B3GALT5: variants seen among roughly 807,000 people sequenced by gnomAD.
The protein encoded by B3GALT5 is beta-1,3-galactosyltransferase 5, also known as UDP-Gal:betaGlcNAc beta 1,3-galactosyltransferase, polypeptide 5.
For synonymous variants in B3GALT5, 156 were observed against 158.6 expected, an observed-to-expected ratio of 0.98 and a Z score of 0.12; for missense variants, 328 against 396.6, an observed-to-expected ratio of 0.83 and a Z score of 1.47.
chr21:39,656,997 C>A (rs547777917), intron 2 of B3GALT5, among the ~76,000 whole-genome samples: 1 of 152,146 alleles, frequency 6.6e-6, no homozygotes, highest in Non-Finnish European at 1.5e-5. Flanking sequence ...AGGCAGAGGG[C>A]GGGAGCCAGC....
intron 1 of B3GALT5, among the ~76,000 whole-genome samples, chr21:39,613,830 C>T (rs970709701): frequency 6.6e-6 from 1 of 152,232 alleles, no homozygotes; most frequent in African/African-American, 2.4e-5. Flanking sequence ...GCAACTGAAT[C>T]TGCAGTAATC....
chr21:39,650,302 G>A (rs1049922869), intron 2 of B3GALT5, among the ~76,000 whole-genome samples: 3 of 152,196 alleles, frequency 2.0e-5, no homozygotes, highest in African/African-American at 2.4e-5. Flanking sequence ...TTATTTGTAG[G>A]TGACAGCTGC....
Position 39,659,747 on chromosome 21 carries a change from TC to T in B3GALT5, c.-160-4del, listed in dbSNP as rs1267750824. 11 of 983,902 alleles carry T rather than the reference TC, an allele frequency of 1.1e-5. No individual in the cohort carries two copies. The highest frequency in any genetic ancestry group is 1.3e-5 in the Non-Finnish European group (11 of 828,940). The allele number at this position is 983,902 out of a possible 1,614,324, so 60.9% of individuals were successfully genotyped here. On this transcript the variant is annotated splice_region_variant and splice_polypyrimidine_tract_variant and intron_variant, in intron 2 of 3. Transcript: ENST00000684187. Reference sequence around the variant, plus strand: ...TTGAATGACACTCTTTTTTTTTTTTTCCTAGTGATTCCTGTCAGAATCACCA... The same window carrying T: ...TTGAATGACACTCTTTTTTTTTTTTTCTAGTGATTCCTGTCAGAATCACCA...
In B3GALT5 at chr21:39,669,841, T is replaced by C. The variant is rs2146234357; in HGVS notation, c.*8349T>C. On this transcript the variant is annotated 3_prime_UTR_variant, in exon 4 of 4. Coordinates refer to ENST00000684187, the MANE Select transcript of B3GALT5 (RefSeq NM_001356336.2). The stretch of plus-strand genomic sequence containing the variant: ...CTTGGCACAGTGGTGAGTCCTCCGA[T>C]GTATCTGCTTTCATAGGAAGCTTGG... 6.6e-6 allele frequency: 1 copy of C among 152,294 alleles called. No homozygotes were observed. The highest frequency in any genetic ancestry group is 2.4e-5 in the African/African-American group (1 of 41,554). 9.4% of individuals were successfully genotyped at this position (152,294 alleles called of 1,614,324 possible).
chr21:39,629,102 C>T (rs958975643), intron 1 of B3GALT5, among the ~76,000 whole-genome samples: 1 of 152,112 alleles, frequency 6.6e-6, no homozygotes, highest in Non-Finnish European at 1.5e-5. Context: ...CAACCTCTGC[C>T]TCCTGGGTTC....
Position 39,666,009 on chromosome 21 carries a change from T to C in B3GALT5, c.*4517T>C, listed in dbSNP as rs2079574559. The C allele has an allele frequency of 6.6e-6, 1 of 152,166 alleles. No individual in the cohort carries two copies. The highest frequency in any genetic ancestry group is 6.5e-5 in the Admixed American group (1 of 15,284). The allele number at this position is 152,166 out of a possible 1,614,324, so 9.4% of individuals were successfully genotyped here. ...TTGAGTGGAACTGAATGTATTGGTA[T>C]GGTAGGTGGGTTTTAGAAGGGAATG... On this transcript the variant is annotated 3_prime_UTR_variant, in exon 4 of 4. Coordinates refer to ENST00000684187, the MANE Select transcript of B3GALT5 (RefSeq NM_001356336.2).
At chr21:39,626,991 A>G (rs2079167617) in intron 1 of B3GALT5, among the ~76,000 whole-genome samples, 2 of 151,870 alleles carry the variant, frequency 1.3e-5, no homozygotes, top group African/African-American at 4.8e-5. Flanking sequence ...ATTCCCTCCC[A>G]TCTCTTCCCA....
At position 39,668,373 on chromosome 21, in the gene B3GALT5, G is replaced by C. The variant is rs1002030306; in HGVS notation, c.*6881G>C. The stretch of plus-strand genomic sequence containing the variant: ...TCTAAGCTAGCCTCTGCAAACTCAG[G>C]ATATATATTCCAAATATCCCTGATT... On this transcript the variant is annotated 3_prime_UTR_variant, in exon 4 of 4. Transcript: ENST00000684187. 2.6e-5 allele frequency: 4 copies of C among 152,174 alleles called. No individual in the cohort carries two copies. The highest frequency in any genetic ancestry group is 9.7e-5 in the African/African-American group (4 of 41,424). The allele number at this position is 152,174 out of a possible 1,614,324, so 9.4% of individuals were successfully genotyped here.
At chr21:39,645,155 G>A (rs1766062028) in intron 1 of B3GALT5, among the ~76,000 whole-genome samples, 2 of 152,262 alleles carry the variant, frequency 1.3e-5, no homozygotes, top group African/African-American at 4.8e-5. Context: ...TCCCTATTGT[G>A]TCCAAAATCA....
At chr21:39,615,042 GC>G (rs2079100349) in intron 1 of B3GALT5, among the ~76,000 whole-genome samples, 2 of 152,086 alleles carry the variant, frequency 1.3e-5, no homozygotes, top group African/African-American at 4.8e-5. Flanking sequence ...AAGCTTCGTG[GC>G]CCTGCATAAA....
intron 2 of B3GALT5, among the ~76,000 whole-genome samples, chr21:39,648,991 C>G (rs930023540): frequency 6.6e-6 from 1 of 152,220 alleles, no homozygotes; most frequent in African/African-American, 2.4e-5. Context: ...AAAGACATTT[C>G]TGATCTTTAA....
rs145176406 is a variant in B3GALT5, at chr21:39,626,104, T to C, written c.-392+13037T>C. 6.7e-3 allele frequency among the ~76,000 whole-genome samples: 1,020 copies of C among 152,260 alleles called. 9 individuals are homozygous for C. The highest frequency in any genetic ancestry group is 0.014 in the Middle Eastern group (4 of 294). The stretch of plus-strand genomic sequence containing the variant: ...ATTTCTCCTCCCTACCCCCAGCCCC[T>C]GGGAACCCCCATTCTATTTCCTGTT... On this transcript the variant is annotated intron_variant, in intron 1 of 3. Transcript: ENST00000684187.
chr21:39,625,830 T>G (rs1172054731), intron 1 of B3GALT5, among the ~76,000 whole-genome samples: 1 of 152,238 alleles, frequency 6.6e-6, no homozygotes, highest in African/African-American at 2.4e-5. Flanking sequence ...CCTTGATTTT[T>G]TTCTTTCTTT....
At chr21:39,653,036 C>T (rs1257689387) in intron 2 of B3GALT5, among the ~76,000 whole-genome samples, 1 of 145,046 alleles carries the variant, frequency 6.9e-6, no homozygotes, top group African/African-American at 2.6e-5. Context: ...ATATTTCCAC[C>T]CATGTAATCA....
At chr21:39,631,377 G>A (rs1318732784) in intron 1 of B3GALT5, among the ~76,000 whole-genome samples, 1 of 152,100 alleles carries the variant, frequency 6.6e-6, no homozygotes, top group Non-Finnish European at 1.5e-5. Context: ...ATCGTTACTT[G>A]GTGTTCTCTG....
At chr21:39,657,930 G>A in intron 2 of B3GALT5, 1 of 1,230,652 alleles carries the variant, frequency 8.1e-7, no homozygotes, top group Non-Finnish European at 1.0e-6. Flanking sequence ...CCTGTTCATG[G>A]CTCTGTCCCA....
chr21:39,672,530 A>G lies in B3GALT5; in HGVS notation c.*11038A>G, dbSNP rs1470906968. 6.6e-6 allele frequency: 1 copy of G among 152,184 alleles called. No homozygotes were observed. The highest frequency in any genetic ancestry group is 1.5e-5 in the Non-Finnish European group (1 of 68,030). 9.4% of individuals were successfully genotyped at this position (152,184 alleles called of 1,614,324 possible). On this transcript the variant is annotated 3_prime_UTR_variant, in exon 4 of 4. Transcript: ENST00000684187. ...GTCATTGTATTTTGGAAATGGGTAT[A>G]TGTCCTTATTATTGGTTAATAATCA...
Position 39,660,813 on chromosome 21 carries a change from T to C in B3GALT5, c.254T>C (p.Met85Thr), listed in dbSNP as rs3746887. 1,251,122 of 1,593,792 alleles carry C rather than the reference T, an allele frequency of 0.78. 497,330 individuals carry two copies. The highest frequency in any genetic ancestry group is 0.81 in the Non-Finnish European group (949,768 of 1,169,694). ...AIRQTWGKER[M>T]VKGKQLKTFF... Reference sequence around the variant, plus strand: ...CGGCAGACGTGGGGGAAAGAGAGGATGGTGAAGGGAAAGCAGCTGAAGACA... The same window carrying C: ...CGGCAGACGTGGGGGAAAGAGAGGACGGTGAAGGGAAAGCAGCTGAAGACA... The change falls in exon 4 of 4, where the codon ATG (methionine) becomes ACG (threonine). Residue 85 changes from methionine (M) to threonine (T), a missense_variant. Physicochemically the swap from Met to Thr is moderately conservative, Grantham distance 81 (BLOSUM62 -1). Transcript: ENST00000684187.
intron 1 of B3GALT5, among the ~76,000 whole-genome samples, chr21:39,614,717 G>A (rs932502030): frequency 6.6e-6 from 1 of 152,148 alleles, no homozygotes; most frequent in Non-Finnish European, 1.5e-5. Flanking sequence ...CAGTTCAGAC[G>A]GGTCCAAGAA....
Sources: allele counts gnomAD v4.1 joint callset (sites outside exome capture counted in the v4.1 genomes callset), GRCh38; gene constraint gnomAD v4.1.1; transcripts MANE v1.5; gene names NCBI Gene and HGNC (gene_info 2026-07-23, HGNC 2026-07-21).